CIITA: variants seen among roughly 807,000 people sequenced by gnomAD.
The protein encoded by CIITA is class II major histocompatibility complex transactivator, also known as MHC class II transactivator.
CIITA carries 72 observed loss-of-function variants against 115.1 expected under a neutral mutation model. That is an observed-to-expected ratio of 0.63 (90% CI 0.52 to 0.76). The LOEUF is 0.76. Among genes scored for constraint, CIITA ranks in the 30% least tolerant of loss-of-function variants. CIITA has a pLI of 0.00. For synonymous variants in CIITA, 763 were observed against 635.6 expected (o/e 1.20, Z -3.02); for missense variants, 1,617 against 1,463.8 (o/e 1.10, Z -1.71).
rs1404889374 is a variant in CIITA at position 10,879,580 on chromosome 16, G to A, written c.52+2198G>A. On this transcript the variant is annotated intron_variant, in intron 1 of 19. Coordinates refer to ENST00000324288, the MANE Select transcript of CIITA (RefSeq NM_000246.4). The surrounding 1 kb of genome is among the most constrained non-coding windows in gnomAD (Gnocchi z 4.3). Reference sequence around the variant, plus strand: ...AGCCAAACCTTTAACCAGAGGATGGGATAAGTCCTCAACTCTCGTTGAACA... The same window carrying A: ...AGCCAAACCTTTAACCAGAGGATGGAATAAGTCCTCAACTCTCGTTGAACA... Among the ~76,000 whole-genome samples the A allele has an allele frequency of 6.8e-6, 1 of 146,632 alleles. No individual in the cohort carries two copies. The highest frequency in any genetic ancestry group is 1.5e-5 in the Non-Finnish European group (1 of 66,464).
intron 1 of CIITA, among the ~76,000 whole-genome samples, chr16:10,877,725 G>A: frequency 6.6e-6 from 1 of 152,162 alleles, no homozygotes; most frequent in Non-Finnish European, 1.5e-5. Flanking sequence ...AAATACTGAG[G>A]GGTGCCTCTG....
In CIITA at chr16:10,907,591, G is replaced by T. The variant is rs749350138; in HGVS notation, c.2099G>T (p.Arg700Leu). ...AAAGGCTTAGTCCAACACCCACCGC[G>T]GGCCGCAGAGTCCGAGCTGGCCTTC... The part of the protein sequence containing the change: ...MAKGLVQHPP[R>L]AAESELAFPS... Residue 700 changes from arginine (R) to leucine (L), a missense_variant, in exon 11 of 20, where the codon CGG becomes CTG. By Grantham distance (102) the Arg-to-Leu change is moderately radical (BLOSUM62 -2). Transcript: ENST00000324288. This position sits in a 1 kb window ranked among gnomAD's most constrained non-coding sequence, Gnocchi z 5.0. 1 of 1,614,214 alleles carries T rather than the reference G, an allele frequency of 6.2e-7. No homozygotes were observed. The highest frequency in any genetic ancestry group is 2.2e-5 in the East Asian group (1 of 44,874).
chr16:10,908,131 G>A lies in CIITA; in HGVS notation c.2639G>A (p.Ser880Asn). ...PSGLGSLVGL[S>N]CVTRFRAALS... Reference sequence around the variant, plus strand: ...GGATTGGGGAGCCTCGTGGGACTCAGCTGTGTCACCCGTTTCAGGTGGGGT... The same window carrying A: ...GGATTGGGGAGCCTCGTGGGACTCAACTGTGTCACCCGTTTCAGGTGGGGT... Residue 880 changes from serine to asparagine, a missense_variant, in exon 11 of 20, where the codon AGC (serine) becomes AAC (asparagine). Coordinates refer to ENST00000324288, the MANE Select transcript of CIITA (RefSeq NM_000246.4). The A allele has an allele frequency of 6.4e-7, 1 of 1,574,134 alleles. No homozygotes were observed. Among genetic ancestry groups the A allele is most frequent in the South Asian group, 1.2e-5 (1 of 86,806 alleles).
chr16:10,927,301 T>G lies in CIITA; in HGVS notation c.*3446T>G, dbSNP rs2040571266. The G allele has an allele frequency of 6.6e-6, 1 of 152,278 alleles. No individual in the cohort carries two copies. The highest frequency in any genetic ancestry group is 2.1e-4 in the South Asian group (1 of 4,830). The allele number at this position is 152,278 out of a possible 1,614,324, so 9.4% of individuals were successfully genotyped here. ...CCATCACTAGTTTTATCTTTTTCACTTATTTATGCAGTCTGCTCTTGTCCT... is the reference window on the plus strand; with the variant it reads ...CCATCACTAGTTTTATCTTTTTCACGTATTTATGCAGTCTGCTCTTGTCCT... On this transcript the variant is annotated 3_prime_UTR_variant, in exon 20 of 20. Coordinates refer to ENST00000324288, the MANE Select transcript of CIITA (RefSeq NM_000246.4).
At chr16:10,922,625 G>A in intron 18 of CIITA, 135 bp downstream of exon 18, 1 of 860,880 alleles carries the variant, frequency 1.2e-6, no homozygotes, top group South Asian at 1.4e-5. Flanking sequence ...TTCCCCCTCT[G>A]GCTTCAGCTT....
At chr16:10,878,520 C>T (rs2143506344) in intron 1 of CIITA, among the ~76,000 whole-genome samples, 1 of 152,354 alleles carries the variant, frequency 6.6e-6, no homozygotes, top group South Asian at 2.1e-4. Context: ...GAGGGATTTT[C>T]TCTTCCTCCC....
chr16:10,940,798 A>G (rs1408904401), downstream of CIITA: 1 of 152,282 alleles, frequency 6.6e-6, no homozygotes, highest in Non-Finnish European at 1.5e-5. This position sits in a 1 kb window ranked among gnomAD's most constrained non-coding sequence, Gnocchi z 4.2. Context: ...ACAGGACTTG[A>G]CCATCTCAGT....
At chr16:10,867,931 T>C (rs549307319) in intron 1 of CIITA, among the ~76,000 whole-genome samples, 2 of 151,952 alleles carry the variant, frequency 1.3e-5, no homozygotes, top group Non-Finnish European at 2.9e-5. Context: ...AATTTTTTTT[T>C]AATTATTTTT....
At position 10,895,505 on chromosome 16, in the gene CIITA, T is replaced by G. The variant is rs113609466; in HGVS notation, c.199+77T>G. On this transcript the variant is annotated intron_variant, in intron 2 of 19. Coordinates refer to ENST00000324288, the MANE Select transcript of CIITA (RefSeq NM_000246.4). Reference sequence around the variant, plus strand: ...CTGTAGAGACGGCAATCAGGGGAAATTCTGGTCCCTGCCCTCCCGTCAGCA... The same window carrying G: ...CTGTAGAGACGGCAATCAGGGGAAAGTCTGGTCCCTGCCCTCCCGTCAGCA... 672 of 1,599,526 alleles carry G rather than the reference T, an allele frequency of 4.2e-4. 3 individuals are homozygous for G. In the African/African-American group the frequency reaches 5.5e-3, roughly 13 times the overall value.
intron 14 of CIITA, among the ~76,000 whole-genome samples, chr16:10,915,926 G>C (rs954163319): frequency 5.9e-5 from 9 of 152,208 alleles, no homozygotes; most frequent in Non-Finnish European, 8.8e-5. Context: ...TGGCACATGA[G>C]TGATGAGATG....
At chr16:10,871,164 T>C (rs2035457426) in intron 1 of CIITA, among the ~76,000 whole-genome samples, 3 of 152,202 alleles carry the variant, frequency 2.0e-5, no homozygotes, top group African/African-American at 7.2e-5. Flanking sequence ...GAGATGATAA[T>C]AGCATTCAGA....
intron 14 of CIITA, 82 bp from the exon 15 acceptor site, chr16:10,916,285 C>CT: frequency 7.6e-7 from 1 of 1,321,430 alleles, no homozygotes; most frequent in Non-Finnish European, 1.1e-6. Flanking sequence ...GGTGCCAGGG[C>CT]TGAGGAGGCC....
intron 16 of CIITA, among the ~76,000 whole-genome samples, chr16:10,918,838 C>T (rs8057835): frequency 0.42 from 64,339 of 152,112 alleles, 14,112 homozygotes; most frequent in African/African-American, 0.51. Context: ...AGGCTTTTTC[C>T]GGAACCTAGG....
At chr16:10,905,962 C>T (rs755891797) in intron 10 of CIITA, among the ~76,000 whole-genome samples, 10 of 151,966 alleles carry the variant, frequency 6.6e-5, no homozygotes, top group South Asian at 4.1e-4. Context: ...CAAGGCGGAA[C>T]GATTGCTTGA....
rs2040758199 is a variant in CIITA at position 10,930,890 on chromosome 16, G to C, written c.*7035G>C. 1 of 152,340 alleles carries C rather than the reference G, an allele frequency of 6.6e-6. No individual in the cohort carries two copies. Among genetic ancestry groups the C allele is most frequent in the Non-Finnish European group, 1.5e-5 (1 of 68,128 alleles). The allele number at this position is 152,340 out of a possible 1,614,324, so 9.4% of individuals were successfully genotyped here. ...CTCCATAGCTGCCCTCCACCAGCCTGCTCCTGAGACACCTGCTGGCCAGCA... is the reference window on the plus strand; with the variant it reads ...CTCCATAGCTGCCCTCCACCAGCCTCCTCCTGAGACACCTGCTGGCCAGCA... On this transcript the variant is annotated 3_prime_UTR_variant, in exon 20 of 20. Transcript: ENST00000324288.
intron 3 of CIITA, among the ~76,000 whole-genome samples, chr16:10,898,419 A>T (rs1198686348): frequency 6.6e-6 from 1 of 151,922 alleles, no homozygotes; most frequent in African/African-American, 2.4e-5. Flanking sequence ...CAGTAACTCT[A>T]CCATTCTGCC....
chr16:10,893,304 C>A (rs2037780962), intron 1 of CIITA, among the ~76,000 whole-genome samples: 1 of 152,122 alleles, frequency 6.6e-6, no homozygotes, highest in South Asian at 2.1e-4. Flanking sequence ...AATGAATATA[C>A]CATGGAAACA....
At position 10,877,375 on chromosome 16, in the gene CIITA, G is replaced by A; in HGVS notation, c.45G>A (p.Glu15=). 1 of 1,613,194 alleles carries A rather than the reference G, an allele frequency of 6.2e-7. No individual in the cohort carries two copies. Among genetic ancestry groups the A allele is most frequent in the Non-Finnish European group, 8.5e-7 (1 of 1,179,518 alleles). Residue 15 remains glutamate, a synonymous_variant, in exon 1 of 20, where the codon GAG becomes GAA. Coordinates refer to ENST00000324288, the MANE Select transcript of CIITA (RefSeq NM_000246.4). The stretch of plus-strand genomic sequence containing the variant: ...GCCCTGCTGGGTCCTACCTGTCAGA[G>A]CCCCAAGGTAAAAAGGCCGGGAAAG... ...APRPAGSYLS[E]PQGSSQCATM...
chr16:10,921,423 A>T (rs1342560510), intron 16 of CIITA, among the ~76,000 whole-genome samples: 1 of 152,186 alleles, frequency 6.6e-6, no homozygotes, highest in Non-Finnish European at 1.5e-5. Flanking sequence ...CACACCCTCT[A>T]TGTTAACTCA....
Sources: gnomAD v4.1 joint callset for allele counts (sites outside exome capture counted in the v4.1 genomes callset) on GRCh38, gnomAD v4.1.1 for gene constraint, Gnocchi (gnomAD v3.1) non-coding constraint, MANE v1.5 for transcripts, NCBI Gene and HGNC (gene_info 2026-07-23, HGNC 2026-07-21) for gene names.